The following USF3 variants were observed in gnomAD, a reference collection of about 807,000 sequenced individuals.
USF3 encodes the protein basic helix-loop-helix domain-containing protein USF3.
Under a neutral mutation model 157.5 loss-of-function variants are expected in USF3, and 29 were observed. The observed-to-expected ratio is 0.18, with a 90% CI of 0.14 to 0.25. The LOEUF (loss-of-function observed/expected upper bound fraction) is 0.25. Ranked by LOEUF, USF3 falls within the 10% of genes least tolerant of loss-of-function variation. The pLI, the probability that USF3 is intolerant of heterozygous loss-of-function variation, is 1.00. For synonymous variants in USF3, 893 were observed against 941.4 expected (o/e 0.95, Z 0.94); for missense variants, 2,381 against 2,667.6 (o/e 0.89, Z 2.37).
chr3:113,682,883 A>C (rs1398897765), intron 1 of USF3, among the ~76,000 whole-genome samples: 1 of 144,990 alleles, frequency 6.9e-6, no homozygotes, highest in East Asian at 2.0e-4. Context: ...TAGGCAACAG[A>C]TCGCTGGGCT....
rs778776821 is a variant in USF3, at chr3:113,660,179, A to C, written c.1503T>G (p.Cys501Trp). The change falls in exon 7 of 7, where the codon TGT becomes TGG. Residue 501 changes from cysteine to tryptophan, a missense_variant. Cys to Trp is a radical substitution (Grantham distance 215, BLOSUM62 -2). This residue lies in a region of USF3 where 1,435 missense variants were observed against 1,550.9 expected (regional missense o/e 0.93). Transcript: ENST00000316407. ...TTAGTGGCTGCATAGGTAAAGATGG[A>C]CAAGAAGGCAATGTTACAACTACTT... ...VEQVVVTLPS[C>W]PSLPMQPLIA... The C allele has an allele frequency of 1.2e-6, 2 of 1,614,192 alleles. No homozygotes were observed. The highest frequency in any genetic ancestry group is 2.2e-5 in the South Asian group (2 of 91,072).
chr3:113,659,893 G>C lies in USF3; in HGVS notation c.1789C>G (p.Pro597Ala). 6.2e-7 allele frequency: 1 copy of C among 1,614,226 alleles called. No homozygotes were observed. Among genetic ancestry groups the C allele is most frequent in the Non-Finnish European group, 8.5e-7 (1 of 1,180,038 alleles). Residue 597 changes from proline to alanine, a missense_variant, in exon 7 of 7, where the codon CCA becomes GCA. By Grantham distance (27) the Pro-to-Ala change is conservative (BLOSUM62 -1). This residue lies in a region of USF3 where 1,435 missense variants were observed against 1,550.9 expected (regional missense o/e 0.93). Coordinates refer to ENST00000316407, the MANE Select transcript of USF3 (RefSeq NM_001009899.4). ...NQNPLPLLPA[P>A]PPGSVRLPIN... Reference sequence around the variant, plus strand: ...GGGAGTCGAACAGAACCAGGAGGTGGAGCAGGGAGGAGTGGCAAAGGATTC... The same window carrying C: ...GGGAGTCGAACAGAACCAGGAGGTGCAGCAGGGAGGAGTGGCAAAGGATTC...
At chr3:113,675,992 G>C (rs903037059) in intron 2 of USF3, among the ~76,000 whole-genome samples, 1 of 152,098 alleles carries the variant, frequency 6.6e-6, no homozygotes, top group Non-Finnish European at 1.5e-5. Context: ...AATCTCCATC[G>C]GAGACCACCT....
intron 1 of USF3, among the ~76,000 whole-genome samples, chr3:113,680,053 C>CTTTTTTTTTTTTTTTTTT (rs71131103): frequency 1.2e-4 from 7 of 58,640 alleles, no homozygotes; most frequent in Non-Finnish European, 1.5e-4. Flanking sequence ...CTGTAGTTTT[C>CTTTTTTTTTTTTTTTTTT]TTTTTTTTTT....
chr3:113,689,319 T>A (rs1411525367), intron 1 of USF3, among the ~76,000 whole-genome samples: 5 of 152,208 alleles, frequency 3.3e-5, no homozygotes, highest in African/African-American at 1.2e-4. Context: ...GCAAAGTGCC[T>A]GGTACATAGC....
chr3:113,681,175 C>T (rs140664518), intron 1 of USF3, among the ~76,000 whole-genome samples: 3,052 of 152,124 alleles, frequency 0.02, 47 homozygotes, highest in Non-Finnish European at 0.031. Flanking sequence ...GATGGGGTTT[C>T]ACCATGTTGG....
At position 113,650,982 on chromosome 3, in the gene USF3, A is replaced by G. The variant is rs542295323; in HGVS notation, c.*3962T>C. The G allele has an allele frequency of 6.6e-6, 1 of 152,322 alleles. No homozygotes were observed. The highest frequency in any genetic ancestry group is 6.5e-5 in the Admixed American group (1 of 15,304). 9.4% of individuals were successfully genotyped at this position (152,322 alleles called of 1,614,324 possible). A position where few individuals can be genotyped will look rare whatever the true frequency, so the allele number is the denominator to read the frequency against. ...TTCCTGAACCGGTATAAAACAACAT[A>G]TAAGCCATCCCAGAGCAACTTGTGT... is the stretch of plus-strand genomic sequence containing the variant. On this transcript the variant is annotated 3_prime_UTR_variant, in exon 7 of 7. Coordinates refer to ENST00000316407, the MANE Select transcript of USF3 (RefSeq NM_001009899.4).
At chr3:113,668,855 A>G (rs1446300053) in intron 5 of USF3, among the ~76,000 whole-genome samples, 1 of 152,176 alleles carries the variant, frequency 6.6e-6, no homozygotes, top group East Asian at 1.9e-4. Flanking sequence ...TTAAAAACAG[A>G]AGAGCTGGAA....
At position 113,656,405 on chromosome 3, in the gene USF3, T is replaced by C; in HGVS notation, c.5277A>G (p.Glu1759=). Reference sequence around the variant, plus strand: ...GCAATGATGATACAGGGTTACCTATTTCATTGTTTCTTGAAGATTGTACTT... The same window carrying C: ...GCAATGATGATACAGGGTTACCTATCTCATTGTTTCTTGAAGATTGTACTT... ...NFEVQSSRNN[E]IGNPVSSLRS... The change falls in exon 7 of 7, where the codon GAA becomes GAG. Residue 1759 remains glutamate (E), a synonymous_variant. Coordinates refer to ENST00000316407, the MANE Select transcript of USF3 (RefSeq NM_001009899.4). 6.2e-7 allele frequency: 1 copy of C among 1,614,152 alleles called. No homozygotes were observed. The highest frequency in any genetic ancestry group is 8.5e-7 in the Non-Finnish European group (1 of 1,180,016).
At chr3:113,676,421 T>C (rs1193155022) in intron 2 of USF3, among the ~76,000 whole-genome samples, 1 of 152,090 alleles carries the variant, frequency 6.6e-6, no homozygotes, top group Non-Finnish European at 1.5e-5. Context: ...AACATATCCT[T>C]TACATGGCGG....
At position 113,661,306 on chromosome 3, in the gene USF3, T is replaced by C; in HGVS notation, c.376A>G (p.Lys126Glu). Reference protein sequence around the residue: ...CLYDDPTIHWKGNLKNSKVSV... With the variant: ...CLYDDPTIHWEGNLKNSKVSV... ...ACCTTTGAGTTTTTAAGATTTCCTT[T>C]CCAGTGAATTGTCGGGTCATCATAT... The change falls in exon 7 of 7, where the codon AAA (lysine) becomes GAA (glutamate). Residue 126 changes from lysine (K) to glutamate (E), a missense_variant. Coordinates refer to ENST00000316407, the MANE Select transcript of USF3 (RefSeq NM_001009899.4). 1 of 1,614,154 alleles carries C rather than the reference T, an allele frequency of 6.2e-7. No individual in the cohort carries two copies. The highest frequency in any genetic ancestry group is 8.5e-7 in the Non-Finnish European group (1 of 1,179,992).
Position 113,659,899 on chromosome 3 carries a change from G to A in USF3, c.1783C>T (p.Pro595Ser). 6.2e-7 allele frequency: 1 copy of A among 1,614,218 alleles called. No homozygotes were observed. Among genetic ancestry groups the A allele is most frequent in the South Asian group, 1.1e-5 (1 of 91,086 alleles). ...CGAACAGAACCAGGAGGTGGAGCAG[G>A]GAGGAGTGGCAAAGGATTCTGATTA... The part of the protein sequence containing the change: ...AANQNPLPLL[P>S]APPPGSVRLP... Residue 595 changes from proline to serine, a missense_variant, in exon 7 of 7, where the codon CCT becomes TCT. Physicochemically the swap from Pro to Ser is moderately conservative, Grantham distance 74 (BLOSUM62 -1). Coordinates refer to ENST00000316407, the MANE Select transcript of USF3 (RefSeq NM_001009899.4).
chr3:113,657,329 A>G lies in USF3; in HGVS notation c.4353T>C (p.Ser1451=), dbSNP rs761380148. 1 of 1,613,612 alleles carries G rather than the reference A, an allele frequency of 6.2e-7. No homozygotes were observed. Among genetic ancestry groups the G allele is most frequent in the Non-Finnish European group, 8.5e-7 (1 of 1,179,814 alleles). ...LQQHVPAQGV[S]HLHSNHLYIK... ...TGTAGAGATGGTTACTATGAAGGTG[A>G]GATACACCTTGAGCTGGAACATGCT... Residue 1451 remains serine (S), a synonymous_variant, in exon 7 of 7, where the codon TCT becomes TCC. Coordinates refer to ENST00000316407, the MANE Select transcript of USF3 (RefSeq NM_001009899.4).
chr3:113,662,334 CAGCCCTCCTTTCTAAGGTAGAT>C (rs1244854652), intron 6 of USF3, among the ~76,000 whole-genome samples: 1 of 152,340 alleles, frequency 6.6e-6, no homozygotes, highest in East Asian at 1.9e-4. Context: ...GGCATTGTCA[CAGCCCTCCTTTCTAAGGTAGAT>C]AGCTTCACCT....
intron 1 of USF3, among the ~76,000 whole-genome samples, chr3:113,689,215 A>T (rs1307408204): frequency 6.6e-6 from 1 of 152,200 alleles, no homozygotes; most frequent in Non-Finnish European, 1.5e-5. Context: ...TACCCTTTAG[A>T]GTCTCAGCAT....
At chr3:113,672,135 CTTTT>C (rs1189302527) in intron 4 of USF3, among the ~76,000 whole-genome samples, 9 of 142,380 alleles carry the variant, frequency 6.3e-5, no homozygotes, top group African/African-American at 2.3e-4. Context: ...ACATCTCTTT[CTTTT>C]TTTTTTTCTT....
In USF3 at chr3:113,660,387, G is replaced by A. The variant is rs1947461343; in HGVS notation, c.1295C>T (p.Thr432Met). The A allele has an allele frequency of 1.2e-6, 2 of 1,614,124 alleles. No individual in the cohort carries two copies. The highest frequency in any genetic ancestry group is 1.7e-6 in the Non-Finnish European group (2 of 1,179,970). ...RISSAGNTQT[T>M]WTTLQLAGNT... ...TCCTGCCAGTTGCAAAGTAGTCCAC[G>A]TTGTCTGTGTGTTTCCAGCTGAAGA... Residue 432 changes from threonine (T) to methionine (M), a missense_variant, in exon 7 of 7, where the codon ACG becomes ATG. Around this residue, in one of 6 missense-constraint regions of USF3, gnomAD observed 1,435 missense variants for 1,550.9 expected, o/e 0.93. Transcript: ENST00000316407.
At chr3:113,679,259 TCA>T (rs1373953634) in intron 1 of USF3, among the ~76,000 whole-genome samples, 2 of 152,138 alleles carry the variant, frequency 1.3e-5, no homozygotes, top group Non-Finnish European at 2.9e-5. Flanking sequence ...TGCATCAAAA[TCA>T]CAGTTTTCAA....
Position 113,651,377 on chromosome 3 carries a change from G to C in USF3, c.*3567C>G, listed in dbSNP as rs922133905. 4 of 152,166 alleles carry C rather than the reference G, an allele frequency of 2.6e-5. No individual in the cohort carries two copies. The highest frequency in any genetic ancestry group is 2.0e-4 in the Admixed American group (3 of 15,282). 9.4% of individuals were successfully genotyped at this position (152,166 alleles called of 1,614,324 possible). On this transcript the variant is annotated 3_prime_UTR_variant, in exon 7 of 7. Transcript: ENST00000316407. ...CAAGACTTGGGAATCACTGATTTGG[G>C]AGTATGACTTACCACCACATGCTGA...
Sources: gnomAD v4.1 joint callset for allele counts (sites outside exome capture counted in the v4.1 genomes callset) on GRCh38, gnomAD v4.1.1 for gene constraint, gnomAD v4.1.1 regional missense constraint, MANE v1.5 for transcripts, NCBI Gene and HGNC (gene_info 2026-07-23, HGNC 2026-07-21) for gene names.